Variants in SEMA4D observed in about 807,000 individuals in gnomAD.
SEMA4D encodes the protein semaphorin 4D, also known as semaphorin-4D.
Under a neutral mutation model 74.8 loss-of-function variants are expected in SEMA4D, and 22 were observed. That is an observed-to-expected ratio of 0.29 (90% CI 0.21 to 0.42). The LOEUF is 0.42. SEMA4D is among the 10% of genes least tolerant of loss of function. The pLI, the probability that SEMA4D is intolerant of heterozygous loss-of-function variation, is 1.00. For missense variants in SEMA4D, 937 were observed against 1,118.4 expected (o/e 0.84, Z 2.31); for synonymous variants, 445 against 463.7 (o/e 0.96, Z 0.52).
chr9:89,483,223 G>T (rs1283331862), intron 1 of SEMA4D, among the ~76,000 whole-genome samples: 1 of 152,218 alleles, frequency 6.6e-6, no homozygotes, highest in Non-Finnish European at 1.5e-5. Context: ...CAAGACCAAG[G>T]GAGCCAGGCG....
Position 89,387,377 on chromosome 9 carries a change from G to A in SEMA4D, c.1330+9C>T, listed in dbSNP as rs73484027. 2.1e-3 allele frequency: 3,335 copies of A among 1,599,420 alleles called. 63 individuals carry two copies. In the African/African-American group the frequency reaches 0.039, roughly 19 times the overall value. Reference sequence around the variant, plus strand: ...TCACTGTCAAGCCTGCCAAGCCCTCGGAACCCACCTGTGCTGACAAACATG... The same window carrying A: ...TCACTGTCAAGCCTGCCAAGCCCTCAGAACCCACCTGTGCTGACAAACATG... On this transcript the variant is annotated intron_variant, in intron 12 of 15. Coordinates refer to ENST00000422704, the MANE Select transcript of SEMA4D (RefSeq NM_001371194.2).
intron 1 of SEMA4D, among the ~76,000 whole-genome samples, chr9:89,459,288 G>A (rs1161033782): frequency 1.3e-5 from 2 of 152,206 alleles, no homozygotes; most frequent in African/African-American, 4.8e-5. Context: ...TGGGCCCTCA[G>A]GTGATGTTGC....
At chr9:89,409,823 C>T (rs1212229713) in intron 2 of SEMA4D, among the ~76,000 whole-genome samples, 1 of 152,180 alleles carries the variant, frequency 6.6e-6, no homozygotes, top group Non-Finnish European at 1.5e-5. Flanking sequence ...CCCCCAACTG[C>T]AATCAGTCCT....
intron 1 of SEMA4D, among the ~76,000 whole-genome samples, chr9:89,489,588 AAAT>A (rs1365778418): frequency 6.6e-6 from 1 of 152,242 alleles, no homozygotes; most frequent in African/African-American, 2.4e-5. Flanking sequence ...CATATCAATG[AAAT>A]AATACAATAT....
At chr9:89,451,948 G>A (rs1009270421) in intron 2 of SEMA4D, among the ~76,000 whole-genome samples, 2 of 152,248 alleles carry the variant, frequency 1.3e-5, no homozygotes, top group Admixed American at 1.3e-4. Flanking sequence ...CACTTCTGGT[G>A]CTCTGTATCA....
intron 1 of SEMA4D, among the ~76,000 whole-genome samples, chr9:89,496,827 C>T (rs186608492): frequency 1.3e-5 from 2 of 152,300 alleles, no homozygotes; most frequent in Admixed American, 6.5e-5. Flanking sequence ...ACTGGTGTCA[C>T]GTCACCCCCA....
Position 89,461,700 on chromosome 9 carries a change from C to CTCTCTCTCTTTTT in SEMA4D, c.-309-5748_-309-5747insAAAAAGAGAGAGA, listed in dbSNP as rs71281350. On this transcript the variant is annotated intron_variant, in intron 1 of 15. Transcript: ENST00000422704. ...GGGCCAATGTGTATTTCTTTTTTCT[C>CTCTCTCTCTTTTT]TTTTTTTTTTTTTTTTTTTGGAGAC... 4.2e-4 allele frequency among the ~76,000 whole-genome samples: 44 copies of CTCTCTCTCTTTTT among 103,656 alleles called. 1 individual carries two copies. Among genetic ancestry groups the CTCTCTCTCTTTTT allele is most frequent in the African/African-American group, 1.5e-3 (44 of 28,844 alleles). The allele number at this position is 103,656 out of a possible 152,430, so 68.0% of individuals were successfully genotyped here.
At chr9:89,480,129 C>A (rs947325316) in intron 1 of SEMA4D, among the ~76,000 whole-genome samples, 1 of 152,048 alleles carries the variant, frequency 6.6e-6, no homozygotes, top group African/African-American at 2.4e-5. Context: ...GGTGCACTCA[C>A]AAACCTTGAG....
At chr9:89,363,610 G>A in intron 17 of SEMA4D, 1 of 1,597,322 alleles carries the variant, frequency 6.3e-7, no homozygotes, top group Non-Finnish European at 8.5e-7. Flanking sequence ...CTTTCTCAAT[G>A]GAAAGCCAAT....
intron 1 of SEMA4D, among the ~76,000 whole-genome samples, chr9:89,474,331 T>A (rs1861224923): frequency 6.6e-6 from 1 of 152,078 alleles, no homozygotes; most frequent in African/African-American, 2.4e-5. Context: ...TGTGCTTGAG[T>A]TTAGCAATCA....
intron 2 of SEMA4D, among the ~76,000 whole-genome samples, chr9:89,407,875 C>T (rs977160363): frequency 4.6e-5 from 7 of 152,338 alleles, no homozygotes; most frequent in African/African-American, 9.6e-5. Context: ...CTGAAGTTGC[C>T]GGTCTAAATC....
chr9:89,381,363 G>C lies in SEMA4D; in HGVS notation c.1447-17C>G, dbSNP rs1475141494. On this transcript the variant is annotated splice_polypyrimidine_tract_variant and intron_variant, in intron 13 of 15. Coordinates refer to ENST00000422704, the MANE Select transcript of SEMA4D (RefSeq NM_001371194.2). This position sits in a 1 kb window ranked among gnomAD's most constrained non-coding sequence, Gnocchi z 4.6. ...CCTGTTGCCCTGCGTGTATGAGACA[G>C]AGAAGAACTAGCATCAGGCAAGCAG... 5 of 1,456,618 alleles carry C rather than the reference G, an allele frequency of 3.4e-6. No homozygotes were observed. The East Asian group carries it at 1.0e-4, about 29-fold the overall frequency. The allele number at this position is 1,456,618 out of a possible 1,614,324, so 90.2% of individuals were successfully genotyped here. A position where few individuals can be genotyped will look rare whatever the true frequency, so the allele number is the denominator to read the frequency against.
At chr9:89,436,060 GA>G (rs1850333408) in intron 2 of SEMA4D, among the ~76,000 whole-genome samples, 1 of 152,012 alleles carries the variant, frequency 6.6e-6, no homozygotes, top group Non-Finnish European at 1.5e-5. Flanking sequence ...GGACATCTCA[GA>G]CAACATCCTG....
intron 4 of SEMA4D, 70 bp downstream of exon 4, chr9:89,402,801 A>C (rs1434905914): frequency 1.3e-6 from 2 of 1,547,162 alleles, no homozygotes; most frequent in African/African-American, 2.7e-5. Flanking sequence ...CCCCAGCCCC[A>C]CAGTGGGGCC....
chr9:89,400,547 C>A (rs550422657), intron 4 of SEMA4D, among the ~76,000 whole-genome samples: 26 of 152,292 alleles, frequency 1.7e-4, no homozygotes, highest in African/African-American at 6.3e-4. Flanking sequence ...CTGAACAGCA[C>A]CCAGGCTGCA....
chr9:89,493,075 G>A (rs981347740), intron 1 of SEMA4D, among the ~76,000 whole-genome samples: 1 of 152,240 alleles, frequency 6.6e-6, no homozygotes, highest in African/African-American at 2.4e-5. Flanking sequence ...TGGGGAAGCA[G>A]TGAAACTTCA....
chr9:89,486,946 G>A (rs1053066373), intron 1 of SEMA4D, among the ~76,000 whole-genome samples: 7 of 151,954 alleles, frequency 4.6e-5, no homozygotes, highest in Non-Finnish European at 1.0e-4. Context: ...GAAGGGGAGG[G>A]GAGGGCAAGA....
chr9:89,402,347 A>T (rs1207395921), intron 4 of SEMA4D, among the ~76,000 whole-genome samples: 2 of 152,244 alleles, frequency 1.3e-5, no homozygotes, highest in Non-Finnish European at 2.9e-5. Context: ...GGATTGGGAC[A>T]GCGTGGTTGC....
chr9:89,389,668 G>A (rs1839373715), intron 9 of SEMA4D, among the ~76,000 whole-genome samples: 1 of 152,210 alleles, frequency 6.6e-6, no homozygotes, highest in South Asian at 2.1e-4. Context: ...ACTGTGTGTG[G>A]TCTGGAGAGA....
Sources: allele counts gnomAD v4.1 joint callset (sites outside exome capture counted in the v4.1 genomes callset), GRCh38; gene constraint gnomAD v4.1.1; non-coding constraint Gnocchi (gnomAD v3.1); transcripts MANE v1.5; gene names NCBI Gene and HGNC (gene_info 2026-07-23, HGNC 2026-07-21).